The following EML4 variants were observed in gnomAD, a reference collection of about 807,000 sequenced individuals.
The protein encoded by EML4 is echinoderm microtubule-associated protein-like 4.
EML4 carries 72 observed loss-of-function variants against 129.0 expected under a neutral mutation model. The ratio of observed to expected loss-of-function variants is 0.56; its 90% CI spans 0.46 to 0.68. The LOEUF is 0.68. Among genes scored for constraint, EML4 ranks in the 30% least tolerant of loss-of-function variants. EML4 has a pLI of 0.00. For synonymous variants in EML4, 532 were observed against 405.0 expected (o/e 1.31, Z -3.77); for missense variants, 1,363 against 1,190.6 (o/e 1.14, Z -2.13).
intron 3 of EML4, among the ~76,000 whole-genome samples, chr2:42,257,484 C>T: frequency 6.6e-6 from 1 of 152,128 alleles, no homozygotes; most frequent in East Asian, 1.9e-4. Context: ...AGATACTTAA[C>T]CAAACAGTTG....
At chr2:42,234,683 A>G (rs1674548145) in intron 1 of EML4, among the ~76,000 whole-genome samples, 1 of 152,268 alleles carries the variant, frequency 6.6e-6, no homozygotes, top group African/African-American at 2.4e-5. Flanking sequence ...TGTTGAGAGG[A>G]CAGGGTGGGT....
intron 6 of EML4, among the ~76,000 whole-genome samples, chr2:42,267,046 C>G (rs1666102427): frequency 6.6e-6 from 1 of 152,050 alleles, no homozygotes; most frequent in South Asian, 2.1e-4. Context: ...TTTTGGAGTC[C>G]AGAGAGTGGT....
intron 17 of EML4, among the ~76,000 whole-genome samples, chr2:42,311,493 T>A (rs1489704944): frequency 1.3e-5 from 2 of 151,882 alleles, no homozygotes; most frequent in Non-Finnish European, 2.9e-5. Context: ...AGGTTGAGGC[T>A]GCAGTAAACT....
At chr2:42,264,113 T>TTTG (rs1665914006) in intron 5 of EML4, among the ~76,000 whole-genome samples, 1 of 143,098 alleles carries the variant, frequency 7.0e-6, no homozygotes, top group South Asian at 2.3e-4. Context: ...GTTTTTTTTT[T>TTTG]TTTTTTTTTT....
At chr2:42,203,975 C>T (rs1402650788) in intron 1 of EML4, among the ~76,000 whole-genome samples, 2 of 152,104 alleles carry the variant, frequency 1.3e-5, no homozygotes, top group South Asian at 2.1e-4. Context: ...GGCTAGGGTG[C>T]AGTGACACAA....
At chr2:42,197,220 T>G (rs1428140168) in intron 1 of EML4, among the ~76,000 whole-genome samples, 1 of 151,992 alleles carries the variant, frequency 6.6e-6, no homozygotes, top group Non-Finnish European at 1.5e-5. Flanking sequence ...GCACCACCAC[T>G]CCTGGCTAAT....
At chr2:42,240,375 C>T (rs951372381) in intron 1 of EML4, among the ~76,000 whole-genome samples, 2 of 152,158 alleles carry the variant, frequency 1.3e-5, no homozygotes, top group Non-Finnish European at 1.5e-5. Flanking sequence ...AACCCAGTTA[C>T]CAGTTTGATG....
At chr2:42,259,551 A>T (rs556076456) in intron 3 of EML4, among the ~76,000 whole-genome samples, 1 of 152,062 alleles carries the variant, frequency 6.6e-6, no homozygotes, top group Non-Finnish European at 1.5e-5. Flanking sequence ...CTCTAAGTAT[A>T]TATCTCTGAT....
chr2:42,175,826 A>G (rs931879829), intron 1 of EML4, among the ~76,000 whole-genome samples: 2 of 152,196 alleles, frequency 1.3e-5, no homozygotes, highest in African/African-American at 4.8e-5. Flanking sequence ...AAAACACCAT[A>G]GAAAGGAAAG....
At chr2:42,253,072 C>A (rs538469174) in intron 2 of EML4, among the ~76,000 whole-genome samples, 2 of 152,202 alleles carry the variant, frequency 1.3e-5, no homozygotes, top group East Asian at 3.9e-4. Flanking sequence ...TTTAGGCAAG[C>A]AGAGGTGACT....
chr2:42,185,971 CTT>C (rs1558482856), intron 1 of EML4, among the ~76,000 whole-genome samples: 1 of 151,972 alleles, frequency 6.6e-6, no homozygotes, highest in Non-Finnish European at 1.5e-5. Context: ...GAATCAGGCA[CTT>C]TATGCATATG....
chr2:42,229,977 GGA>G (rs1267851095), intron 1 of EML4, among the ~76,000 whole-genome samples: 5 of 151,790 alleles, frequency 3.3e-5, no homozygotes, highest in Non-Finnish European at 5.9e-5. Context: ...TGAGGGAAGA[GGA>G]GAGAGATACC....
At chr2:42,303,475 C>G in intron 16 of EML4, 29 bp downstream of exon 16, 1 of 1,605,916 alleles carries the variant, frequency 6.2e-7, no homozygotes, top group Non-Finnish European at 8.5e-7. Flanking sequence ...GATTATTAAC[C>G]TCCCCACAGA....
chr2:42,172,090 G>T (rs1320142779), intron 1 of EML4, among the ~76,000 whole-genome samples: 1 of 151,746 alleles, frequency 6.6e-6, no homozygotes, highest in African/African-American at 2.4e-5. Context: ...AAGTCAAAAC[G>T]TGAAGTTCTT....
intron 1 of EML4, among the ~76,000 whole-genome samples, chr2:42,174,012 A>T (rs1420655148): frequency 2.0e-5 from 3 of 152,210 alleles, no homozygotes; most frequent in Non-Finnish European, 2.9e-5. Flanking sequence ...TTATCTCTGC[A>T]GAGCTTGGCT....
At chr2:42,175,837 A>G in intron 1 of EML4, among the ~76,000 whole-genome samples, 1 of 152,198 alleles carries the variant, frequency 6.6e-6, no homozygotes, top group Non-Finnish European at 1.5e-5. Context: ...GAAAGGAAAG[A>G]AGAATAGAAA....
At chr2:42,181,321 C>A (rs920516036) in intron 1 of EML4, among the ~76,000 whole-genome samples, 1 of 152,038 alleles carries the variant, frequency 6.6e-6, no homozygotes, top group Non-Finnish European at 1.5e-5. Context: ...GTATTTGAGA[C>A]AGGGTCTCAC....
intron 3 of EML4, among the ~76,000 whole-genome samples, chr2:42,258,099 T>C (rs1665462653): frequency 6.6e-6 from 1 of 152,188 alleles, no homozygotes; most frequent in South Asian, 2.1e-4. Flanking sequence ...ATCAGTATTA[T>C]GCACATTAGT....
intron 1 of EML4, among the ~76,000 whole-genome samples, chr2:42,226,101 G>A (rs530865977): frequency 2.0e-5 from 3 of 151,912 alleles, no homozygotes; most frequent in Non-Finnish European, 2.9e-5. Flanking sequence ...TGTTCATGCC[G>A]TAGACACATT....
Sources: gnomAD v4.1 joint callset for allele counts (sites outside exome capture counted in the v4.1 genomes callset) on GRCh38, gnomAD v4.1.1 for gene constraint, MANE v1.5 for transcripts, NCBI Gene and HGNC (gene_info 2026-07-23, HGNC 2026-07-21) for gene names.